The following IQCM variants were observed in gnomAD, a reference collection of about 807,000 sequenced individuals.
IQCM encodes IQ domain-containing protein M.
In IQCM, 45 loss-of-function variants were observed where a neutral mutation model predicts 57.6. The ratio of observed to expected loss-of-function variants is 0.78; its 90% confidence interval spans 0.62 to 1.00. The LOEUF is 1.00. IQCM is among the 50% of genes least tolerant of loss of function. The probability of loss-of-function intolerance (pLI) is 0.00; values close to 1 mark genes in which losing one functional copy is unlikely to be tolerated. For missense variants in IQCM, 468 were observed against 511.6 expected (o/e 0.91, Z 0.82); for synonymous variants, 148 against 158.9 (o/e 0.93, Z 0.51).
At chr4:149,722,097 C>A (rs1047611583) in intron 5 of IQCM, among the ~76,000 whole-genome samples, 1 of 151,778 alleles carries the variant, frequency 6.6e-6, no homozygotes, top group Admixed American at 6.6e-5. Context: ...TCTCCTTTTG[C>A]GAAATGTTTG....
intron 13 of IQCM, among the ~76,000 whole-genome samples, chr4:149,379,135 G>A (rs1004514888): frequency 6.6e-6 from 1 of 152,216 alleles, no homozygotes; most frequent in African/African-American, 2.4e-5. Flanking sequence ...AGGATGTATG[G>A]AAACGCCTGG....
At chr4:149,442,389 A>G (rs1736027685) in intron 12 of IQCM, among the ~76,000 whole-genome samples, 2 of 152,000 alleles carry the variant, frequency 1.3e-5, no homozygotes, top group Admixed American at 1.3e-4. Context: ...TTTCCCTGGC[A>G]TTTTACTATA....
chr4:149,393,704 C>G (rs1024896758), intron 13 of IQCM, among the ~76,000 whole-genome samples: 5 of 151,700 alleles, frequency 3.3e-5, no homozygotes, highest in Non-Finnish European at 7.4e-5. Flanking sequence ...TATTATTAAC[C>G]AAGAGAAAAT....
intron 8 of IQCM, among the ~76,000 whole-genome samples, chr4:149,590,471 C>A (rs1296723764): frequency 4.0e-5 from 6 of 151,608 alleles, no homozygotes; most frequent in Non-Finnish European, 5.9e-5. Context: ...TATTATTATA[C>A]TTTAAGTTCT....
chr4:149,595,284 T>A (rs1057466482), intron 8 of IQCM, among the ~76,000 whole-genome samples: 2 of 151,622 alleles, frequency 1.3e-5, no homozygotes, highest in Non-Finnish European at 2.9e-5. Context: ...CAACCCCTGC[T>A]TTTTTTTGTT....
At chr4:149,374,965 CTT>C (rs1730605816) in intron 13 of IQCM, among the ~76,000 whole-genome samples, 1 of 119,480 alleles carries the variant, frequency 8.4e-6, no homozygotes, top group Non-Finnish European at 1.8e-5. Context: ...GCCACACTTT[CTT>C]TGTGTGTGTG....
intron 3 of IQCM, among the ~76,000 whole-genome samples, chr4:149,738,369 G>A (rs964780422): frequency 1.3e-5 from 2 of 152,090 alleles, no homozygotes; most frequent in East Asian, 1.9e-4. Context: ...CAGCTGTTTC[G>A]ACTTCCCCCT....
At chr4:149,555,463 T>G (rs1420534345) in intron 10 of IQCM, among the ~76,000 whole-genome samples, 2 of 152,146 alleles carry the variant, frequency 1.3e-5, no homozygotes, top group Admixed American at 6.5e-5. Flanking sequence ...GGAAATCTAT[T>G]TGTGTGATAG....
chr4:149,636,543 T>TA (rs1757730153), intron 7 of IQCM, among the ~76,000 whole-genome samples: 1 of 152,136 alleles, frequency 6.6e-6, no homozygotes, highest in East Asian at 1.9e-4. Context: ...AAACACTGCA[T>TA]AAATGCTGCT....
chr4:149,687,954 G>A (rs1189846636), intron 5 of IQCM, among the ~76,000 whole-genome samples: 2 of 151,768 alleles, frequency 1.3e-5, no homozygotes, highest in Non-Finnish European at 2.9e-5. Context: ...ATACCTCAAT[G>A]TAATAAAAGC....
chr4:149,487,475 T>C (rs1489102753), intron 12 of IQCM, among the ~76,000 whole-genome samples: 1 of 152,192 alleles, frequency 6.6e-6, no homozygotes, highest in Non-Finnish European at 1.5e-5. Flanking sequence ...CCACTGTCTC[T>C]AAGCTCAGCC....
chr4:149,808,705 C>T (rs72963514), intron 2 of IQCM, among the ~76,000 whole-genome samples: 20,235 of 152,008 alleles, frequency 0.13, 1,435 homozygotes, highest in East Asian at 0.21. Flanking sequence ...TAAAGAAAAT[C>T]TATATTTGTG....
intron 13 of IQCM, among the ~76,000 whole-genome samples, chr4:149,421,912 A>T (rs1372392508): frequency 5.9e-5 from 9 of 152,184 alleles, no homozygotes; most frequent in African/African-American, 2.2e-4. Flanking sequence ...TCAAAACAGG[A>T]TTCTGGCAAA....
intron 12 of IQCM, among the ~76,000 whole-genome samples, chr4:149,495,044 G>A (rs1257070437): frequency 6.6e-6 from 1 of 152,040 alleles, no homozygotes; most frequent in Non-Finnish European, 1.5e-5. Context: ...AGCGGAGAAA[G>A]TAAGAAAAAG....
At chr4:149,812,484 A>T (rs539715129) in intron 2 of IQCM, among the ~76,000 whole-genome samples, 81 of 136,750 alleles carry the variant, frequency 5.9e-4, no homozygotes, top group South Asian at 5.0e-3. Flanking sequence ...TCTCTCTCAC[A>T]CACACACACA....
At chr4:149,603,324 T>A (rs748343118) in intron 8 of IQCM, among the ~76,000 whole-genome samples, 2 of 152,194 alleles carry the variant, frequency 1.3e-5, no homozygotes, top group Non-Finnish European at 2.9e-5. Context: ...TTATCTTACA[T>A]GTTTGGTTCA....
chr4:149,531,921 G>A (rs572460243), intron 12 of IQCM, among the ~76,000 whole-genome samples: 10 of 152,100 alleles, frequency 6.6e-5, no homozygotes, highest in African/African-American at 2.4e-4. Context: ...TGAACATATT[G>A]TTTATAGTAG....
chr4:149,481,069 C>T (rs1425670639), intron 12 of IQCM, among the ~76,000 whole-genome samples: 1 of 152,076 alleles, frequency 6.6e-6, no homozygotes, highest in Non-Finnish European at 1.5e-5. Context: ...GGAGAAATGG[C>T]TATTCAATTT....
At chr4:149,663,183 A>G (rs1760376711) in intron 7 of IQCM, among the ~76,000 whole-genome samples, 1 of 151,814 alleles carries the variant, frequency 6.6e-6, no homozygotes. Flanking sequence ...TACTCTAGAT[A>G]TTTTCCCTCC....
Sources: gnomAD v4.1 joint callset for allele counts (sites outside exome capture counted in the v4.1 genomes callset) on GRCh38, gnomAD v4.1.1 for gene constraint, MANE v1.5 for transcripts, NCBI Gene and HGNC (gene_info 2026-07-23, HGNC 2026-07-21) for gene names.